The following DOCK2 variants were observed in gnomAD, a reference collection of about 807,000 sequenced individuals.
DOCK2 encodes the protein dedicator of cytokinesis 2.
Under a neutral mutation model 248.9 loss-of-function variants are expected in DOCK2, and 87 were observed. The observed-to-expected ratio is 0.35, with a 90% CI of 0.29 to 0.42. DOCK2 has a LOEUF of 0.42. DOCK2 is among the 10% of genes least tolerant of loss of function. The pLI is 1.00. For missense variants in DOCK2, 1,747 were observed against 2,300.2 expected, an observed-to-expected ratio of 0.76 and a Z score of 4.92; for synonymous variants, 805 against 821.6, an observed-to-expected ratio of 0.98 and a Z score of 0.35.
At chr5:169,973,590 C>T (rs1369737447) in intron 27 of DOCK2, among the ~76,000 whole-genome samples, 1 of 152,144 alleles carries the variant, frequency 6.6e-6, no homozygotes, top group Non-Finnish European at 1.5e-5. Flanking sequence ...GGAGAGCTGG[C>T]ATTGATCCCA....
chr5:169,989,308 T>C (rs1778151103), intron 29 of DOCK2, among the ~76,000 whole-genome samples: 2 of 152,200 alleles, frequency 1.3e-5, no homozygotes, highest in South Asian at 4.1e-4. Context: ...TTTTAAATGA[T>C]CAAGTTCTTT....
At chr5:169,688,511 G>C (rs919568820) in intron 8 of DOCK2, among the ~76,000 whole-genome samples, 1 of 152,082 alleles carries the variant, frequency 6.6e-6, no homozygotes, top group South Asian at 2.1e-4. Context: ...TTGGATTTTG[G>C]AATATTTGCA....
At chr5:169,844,277 G>A (rs181924597) in intron 27 of DOCK2, among the ~76,000 whole-genome samples, 254 of 152,322 alleles carry the variant, frequency 1.7e-3, no homozygotes, top group Middle Eastern at 3.4e-3. Flanking sequence ...ACTTACATAC[G>A]AAGTACTCCT....
intron 27 of DOCK2, among the ~76,000 whole-genome samples, chr5:169,868,662 G>A (rs962512378): frequency 3.3e-5 from 5 of 152,186 alleles, no homozygotes; most frequent in African/African-American, 1.2e-4. Flanking sequence ...GGAGGCTGAG[G>A]TGAGAGGATC....
chr5:169,719,921 A>C (rs1264404717), intron 22 of DOCK2, among the ~76,000 whole-genome samples: 2 of 135,370 alleles, frequency 1.5e-5, no homozygotes, highest in African/African-American at 5.9e-5. Context: ...TCTGACTCTT[A>C]AAAAAAAAAA....
intron 46 of DOCK2, 63 bp from the exon 47 acceptor site, chr5:170,075,884 C>T (rs554982012): frequency 4.6e-4 from 736 of 1,595,820 alleles, no homozygotes; most frequent in Non-Finnish European, 6.0e-4. Context: ...CCTTGATGGG[C>T]GGGGTGCCAG....
chr5:169,900,665 A>G (rs574395882), intron 27 of DOCK2, among the ~76,000 whole-genome samples: 11 of 152,330 alleles, frequency 7.2e-5, no homozygotes, highest in Admixed American at 7.2e-4. Flanking sequence ...GCAGTATTAC[A>G]TGCTTTGGAT....
chr5:169,779,700 C>T (rs1435608655), intron 25 of DOCK2, among the ~76,000 whole-genome samples: 1 of 152,170 alleles, frequency 6.6e-6, no homozygotes, highest in Non-Finnish European at 1.5e-5. Flanking sequence ...GTCCCCACCC[C>T]ACCCCCGCAT....
At chr5:169,758,182 A>G (rs1048071653) in intron 23 of DOCK2, among the ~76,000 whole-genome samples, 1 of 152,222 alleles carries the variant, frequency 6.6e-6, no homozygotes, top group African/African-American at 2.4e-5. Flanking sequence ...GTTAGAAATG[A>G]AAAGAATCCA....
intron 22 of DOCK2, among the ~76,000 whole-genome samples, chr5:169,733,261 A>C (rs1157476502): frequency 6.6e-6 from 1 of 151,842 alleles, no homozygotes; most frequent in East Asian, 1.9e-4. Context: ...ATATTTTATC[A>C]TACATATTTA....
At chr5:169,757,475 G>T (rs113346796) in intron 23 of DOCK2, among the ~76,000 whole-genome samples, 1 of 152,086 alleles carries the variant, frequency 6.6e-6, no homozygotes, top group Non-Finnish European at 1.5e-5. Flanking sequence ...GGGACAAGAG[G>T]CTCCAATAGA....
At chr5:169,650,539 A>T (rs920606394) in intron 1 of DOCK2, among the ~76,000 whole-genome samples, 3 of 152,216 alleles carry the variant, frequency 2.0e-5, no homozygotes, top group African/African-American at 7.2e-5. Context: ...CCTCTATTTG[A>T]ACTCCTGATG....
intron 26 of DOCK2, among the ~76,000 whole-genome samples, chr5:169,836,793 C>T (rs368581674): frequency 2.0e-5 from 3 of 151,402 alleles, no homozygotes; most frequent in Admixed American, 6.6e-5. Context: ...ATCACCAAAA[C>T]GAGATTTCTC....
intron 27 of DOCK2, among the ~76,000 whole-genome samples, chr5:169,951,026 C>G (rs1288384063): frequency 6.6e-6 from 1 of 152,204 alleles, no homozygotes; most frequent in Non-Finnish European, 1.5e-5. Context: ...GTCAGATTAG[C>G]CAGCGTCACC....
intron 27 of DOCK2, among the ~76,000 whole-genome samples, chr5:169,862,302 G>A (rs1434458321): frequency 2.0e-5 from 3 of 152,174 alleles, no homozygotes; most frequent in African/African-American, 7.2e-5. Context: ...TTAATTCTGG[G>A]AACAGGGTTA....
chr5:169,840,351 C>T (rs56409622), intron 26 of DOCK2, among the ~76,000 whole-genome samples: 5,000 of 152,230 alleles, frequency 0.033, 279 homozygotes, highest in African/African-American at 0.11. Flanking sequence ...TTGCCTTCTA[C>T]GAGGCCCCAC....
At chr5:169,767,865 T>G (rs1455376450) in intron 25 of DOCK2, among the ~76,000 whole-genome samples, 1 of 152,236 alleles carries the variant, frequency 6.6e-6, no homozygotes, top group African/African-American at 2.4e-5. Flanking sequence ...TTAAGTAATT[T>G]TCATTCCAGT....
Position 169,919,687 on chromosome 5 carries a change from T to G in DOCK2, c.2800-63381T>G, listed in dbSNP as rs546887370. Among the ~76,000 whole-genome samples, 46 of 152,166 alleles carry G rather than the reference T, an allele frequency of 3.0e-4. 1 individual carries two copies. The highest frequency in any genetic ancestry group is 4.4e-4 in the Non-Finnish European group (30 of 68,034). ...TTGGTTTGTGTCATTGCCTTTCCTT[T>G]GGTAAGCAGTGCACTCATGGCCTTT... On this transcript the variant is annotated intron_variant, in intron 27 of 51. Coordinates refer to ENST00000520908, the MANE Select transcript of DOCK2 (RefSeq NM_004946.3).
intron 25 of DOCK2, among the ~76,000 whole-genome samples, chr5:169,765,864 C>T (rs1764755785): frequency 6.6e-6 from 1 of 152,152 alleles, no homozygotes; most frequent in South Asian, 2.1e-4. Context: ...TTTATTAAAG[C>T]TTAGCTTCCT....
Sources: allele counts gnomAD v4.1 joint callset (sites outside exome capture counted in the v4.1 genomes callset), GRCh38; gene constraint gnomAD v4.1.1; transcripts MANE v1.5; gene names NCBI Gene and HGNC (gene_info 2026-07-23, HGNC 2026-07-21).